The following CLDN16 variants were observed in gnomAD, a reference collection of about 807,000 sequenced individuals.
CLDN16 encodes claudin 16.
A neutral mutation model predicts 24.6 loss-of-function variants in CLDN16; 13 were observed. That is an observed-to-expected ratio of 0.53 (90% CI 0.34 to 0.84). The LOEUF is 0.84. Ranked by LOEUF, CLDN16 falls within the 40% of genes least tolerant of loss-of-function variation. The pLI is 0.01. For missense variants in CLDN16, 298 were observed against 292.7 expected, an observed-to-expected ratio of 1.02 and a Z score of -0.13; for synonymous variants, 116 against 106.7, an observed-to-expected ratio of 1.09 and a Z score of -0.54.
chr3:190,389,113 G>A (rs950461155), intron 1 of CLDN16, among the ~76,000 whole-genome samples: 1 of 152,082 alleles, frequency 6.6e-6, no homozygotes. Flanking sequence ...CACATTTGAG[G>A]ATTTTATTTT....
chr3:190,355,128 T>C (rs1336507030), intron 1 of CLDN16, among the ~76,000 whole-genome samples: 2 of 151,986 alleles, frequency 1.3e-5, no homozygotes, highest in Non-Finnish European at 2.9e-5. Context: ...CAAATTACAC[T>C]TACACACAAC....
chr3:190,316,254 G>C, the CLDN16 span, among the ~76,000 whole-genome samples: 1 of 152,172 alleles, frequency 6.6e-6, no homozygotes, highest in Non-Finnish European at 1.5e-5. Flanking sequence ...GTTTTGCAAA[G>C]TAATATTTTC....
chr3:190,325,513 TA>T (rs1403394232), intron 1 of CLDN16, among the ~76,000 whole-genome samples: 1 of 152,206 alleles, frequency 6.6e-6, no homozygotes, highest in Non-Finnish European at 1.5e-5. Context: ...AAGAGATGTG[TA>T]AAAACAGCAA....
chr3:190,384,823 A>T (rs1246123911), upstream of CLDN16, among the ~76,000 whole-genome samples: 1 of 152,192 alleles, frequency 6.6e-6, no homozygotes, highest in East Asian at 1.9e-4. Flanking sequence ...TGAACGAAAG[A>T]TGTCTGTCTT....
At chr3:190,381,846 CCAACATGGATTAAGTACA>C (rs1445303273) in intron 3 of CLDN16, among the ~76,000 whole-genome samples, 1 of 151,804 alleles carries the variant, frequency 6.6e-6, no homozygotes, top group Non-Finnish European at 1.5e-5. Context: ...GTTTCCTTGC[CCAACATGGATTAAGTACA>C]CACTGAAATC....
intron 3 of CLDN16, among the ~76,000 whole-genome samples, chr3:190,381,726 A>T (rs1412646175): frequency 6.6e-6 from 1 of 152,084 alleles, no homozygotes; most frequent in Non-Finnish European, 1.5e-5. Context: ...TGCTGAGTTA[A>T]GAACACACCA....
chr3:190,333,035 T>C (rs1353265003), intron 1 of CLDN16, among the ~76,000 whole-genome samples: 1 of 152,102 alleles, frequency 6.6e-6, no homozygotes, highest in Non-Finnish European at 1.5e-5. Flanking sequence ...AAAAGGAGAA[T>C]ATTACTGCCA....
chr3:190,408,374 C>A lies in CLDN16; in HGVS notation c.443C>A (p.Thr148Asn), dbSNP rs1281243864. Reference sequence around the variant, plus strand: ...GTTGATGTGTATGTGGAACGTTCTACTTTGGTTTTGCACAATATATTTCTT... The same window carrying A: ...GTTGATGTGTATGTGGAACGTTCTAATTTGGTTTTGCACAATATATTTCTT... ...YAVDVYVERS[T>N]LVLHNIFLGI... Residue 148 changes from threonine (T) to asparagine (N), a missense_variant, in exon 4 of 5, where the codon ACT (threonine) becomes AAT (asparagine). Thr to Asn is a moderately conservative substitution (Grantham distance 65). Coordinates refer to ENST00000264734, the MANE Select transcript of CLDN16 (RefSeq NM_006580.4). 1 of 1,614,098 alleles carries A rather than the reference C, an allele frequency of 6.2e-7. No individual in the cohort carries two copies. Among genetic ancestry groups the A allele is most frequent in the African/African-American group, 1.3e-5 (1 of 75,014 alleles).
intron 3 of CLDN16, among the ~76,000 whole-genome samples, chr3:190,379,953 T>A (rs1277616169): frequency 7.6e-6 from 1 of 132,200 alleles, no homozygotes; most frequent in Non-Finnish European, 1.6e-5. Context: ...CCTAGATTGA[T>A]CTATCTATGT....
intron 1 of CLDN16, among the ~76,000 whole-genome samples, chr3:190,324,614 G>C (rs1298017655): frequency 6.6e-6 from 1 of 152,178 alleles, no homozygotes; most frequent in Non-Finnish European, 1.5e-5. Flanking sequence ...GGGAATCGGA[G>C]GGATGAGTTC....
upstream of CLDN16, among the ~76,000 whole-genome samples, chr3:190,386,689 C>T (rs1223478695): frequency 6.6e-6 from 1 of 152,114 alleles, no homozygotes; most frequent in African/African-American, 2.4e-5. Context: ...TAACTGAAGC[C>T]TCAAAAGGGA....
At chr3:190,356,315 TATA>T (rs1189737847) in intron 1 of CLDN16, among the ~76,000 whole-genome samples, 1 of 151,800 alleles carries the variant, frequency 6.6e-6, no homozygotes, top group Non-Finnish European at 1.5e-5. Flanking sequence ...AAAATACTGC[TATA>T]ATAAGTGTGA....
chr3:190,387,938 G>C, upstream of CLDN16: 1 of 632,140 alleles, frequency 1.6e-6, no homozygotes, highest in South Asian at 1.9e-5. Context: ...CAGTTTACAG[G>C]TTCCAGCATG....
chr3:190,353,018 C>T (rs1717700523), intron 1 of CLDN16, among the ~76,000 whole-genome samples: 1 of 151,976 alleles, frequency 6.6e-6, no homozygotes, highest in African/African-American at 2.4e-5. Context: ...CTCCTCAGCT[C>T]TTAATAAAAT....
At chr3:190,293,571 A>G in the CLDN16 span, among the ~76,000 whole-genome samples, 2 of 152,252 alleles carry the variant, frequency 1.3e-5, no homozygotes, top group African/African-American at 4.8e-5. Flanking sequence ...CCAGTGACCA[A>G]TGAAAAGGTC....
chr3:190,334,069 T>C (rs1472242119), intron 1 of CLDN16, among the ~76,000 whole-genome samples: 2 of 152,158 alleles, frequency 1.3e-5, no homozygotes, highest in African/African-American at 4.8e-5. Flanking sequence ...TCATTCATGA[T>C]TTCTTCCATT....
intron 2 of CLDN16, among the ~76,000 whole-genome samples, chr3:190,372,913 T>C (rs540285582): frequency 6.6e-6 from 1 of 152,070 alleles, no homozygotes; most frequent in South Asian, 2.1e-4. Flanking sequence ...TTCCTGACTA[T>C]TGACCCCAGC....
intron 1 of CLDN16, among the ~76,000 whole-genome samples, chr3:190,367,191 A>G (rs1291442485): frequency 6.6e-6 from 1 of 151,942 alleles, no homozygotes; most frequent in Non-Finnish European, 1.5e-5. Context: ...TGATAGGATA[A>G]TACTGTCTAC....
chr3:190,312,486 G>A, the CLDN16 span, among the ~76,000 whole-genome samples: 8 of 152,166 alleles, frequency 5.3e-5, no homozygotes, highest in Non-Finnish European at 1.2e-4. Context: ...CAGACCTGAA[G>A]GGTTCACATA....
Sources: gnomAD v4.1 joint callset for allele counts (sites outside exome capture counted in the v4.1 genomes callset) on GRCh38, gnomAD v4.1.1 for gene constraint, MANE v1.5 for transcripts, NCBI Gene and HGNC (gene_info 2026-07-23, HGNC 2026-07-21) for gene names.